ALKAL1: variants seen among roughly 807,000 people sequenced by gnomAD.
The protein encoded by ALKAL1 is AUG-beta.
A neutral mutation model predicts 13.5 loss-of-function variants in ALKAL1; 23 were observed. The observed-to-expected ratio is 1.70, with a 90% confidence interval of 1.23 to 2.41. The LOEUF is 2.41. ALKAL1 is among the 30% of genes most tolerant of loss of function. The pLI is 0.00. For missense variants in ALKAL1, 181 were observed against 178.4 expected (o/e 1.01, Z -0.08); for synonymous variants, 85 against 77.7 (o/e 1.09, Z -0.49).
intron 2 of ALKAL1, among the ~76,000 whole-genome samples, chr8:52,540,839 C>T (rs567881521): frequency 2.4e-4 from 37 of 152,250 alleles, no homozygotes; most frequent in Non-Finnish European, 3.5e-4. Flanking sequence ...ACAACTGCCT[C>T]GAAAGGCTCA....
chr8:52,558,347 C>CAAAA (rs398007812), intron 1 of ALKAL1, among the ~76,000 whole-genome samples: 3 of 18,870 alleles, frequency 1.6e-4, no homozygotes, highest in East Asian at 1.3e-3. Context: ...GACTCCATCT[C>CAAAA]AAAAAAAAAA....
At chr8:52,541,845 C>T (rs1847316260) in intron 2 of ALKAL1, among the ~76,000 whole-genome samples, 1 of 151,836 alleles carries the variant, frequency 6.6e-6, no homozygotes, top group South Asian at 2.1e-4. Context: ...ATTTATATTG[C>T]CCCCTCCCTC....
chr8:52,541,921 AC>A (rs1265186099), intron 2 of ALKAL1, among the ~76,000 whole-genome samples: 1 of 151,958 alleles, frequency 6.6e-6, no homozygotes, highest in Non-Finnish European at 1.5e-5. Context: ...ATTATCCACA[AC>A]ATGACTCCAA....
At chr8:52,548,068 G>T (rs531095107) in intron 1 of ALKAL1, among the ~76,000 whole-genome samples, 13 of 152,320 alleles carry the variant, frequency 8.5e-5, no homozygotes, top group East Asian at 7.7e-4. Flanking sequence ...GTAACTTTAC[G>T]CCGGGTGCAG....
At chr8:52,548,350 G>GA (rs982990928) in intron 1 of ALKAL1, among the ~76,000 whole-genome samples, 79 of 123,388 alleles carry the variant, frequency 6.4e-4, no homozygotes, top group Middle Eastern at 3.9e-3. Context: ...CGTCTCAAAA[G>GA]AAAAAAAAAA....
At chr8:52,547,910 TGA>T (rs1847386764) in intron 1 of ALKAL1, among the ~76,000 whole-genome samples, 1 of 152,360 alleles carries the variant, frequency 6.6e-6, no homozygotes, top group Non-Finnish European at 1.5e-5. Flanking sequence ...TAATTACTAA[TGA>T]GATACTTTAC....
intron 1 of ALKAL1, among the ~76,000 whole-genome samples, chr8:52,543,713 T>C (rs1247489822): frequency 6.6e-6 from 1 of 152,220 alleles, no homozygotes; most frequent in Non-Finnish European, 1.5e-5. Context: ...TCCCCTGTAC[T>C]TCTCAGAAAC....
Position 52,538,483 on chromosome 8 carries a change from A to T in ALKAL1, c.350T>A (p.Leu117Ter). ...PAYYKRCARL[L>*]TRLAVSPLCS... is the part of the protein sequence containing the mutation. ...CAGTGGACTCACTGCTAATCTTGTT[A>T]ACAATCTAGCACATCTTTTGTAATC... The change falls in exon 4 of 5, where the codon TTA becomes TAA. Residue 117 changes from leucine (L) to a stop codon, truncating the protein, a stop_gained. Transcript: ENST00000358543. LOFTEE classifies it high-confidence loss of function. 5 of 1,610,600 alleles carry T rather than the reference A, an allele frequency of 3.1e-6. No individual in the cohort carries two copies. Among genetic ancestry groups the T allele is most frequent in the Non-Finnish European group, 4.2e-6 (5 of 1,177,318 alleles).
At chr8:52,549,053 A>G (rs115622973) in intron 1 of ALKAL1, among the ~76,000 whole-genome samples, 10 of 152,184 alleles carry the variant, frequency 6.6e-5, no homozygotes, top group African/African-American at 1.7e-4. Flanking sequence ...ATCTTCCATA[A>G]AGATAATTTG....
At chr8:52,553,154 C>T (rs1590868848) in intron 1 of ALKAL1, among the ~76,000 whole-genome samples, 1 of 152,216 alleles carries the variant, frequency 6.6e-6, no homozygotes, top group African/African-American at 2.4e-5. Flanking sequence ...TTGAGACCAG[C>T]CTGCACAACA....
In ALKAL1 at chr8:52,534,592, A is replaced by C. The variant is rs1375197675; in HGVS notation, c.*21T>G. 11 of 602,356 alleles carry C rather than the reference A, an allele frequency of 1.8e-5. No individual in the cohort carries two copies. Among genetic ancestry groups the C allele is most frequent in the Non-Finnish European group, 3.2e-5 (11 of 339,732 alleles). 37.3% of individuals were successfully genotyped at this position (602,356 alleles called of 1,614,324 possible). The stretch of plus-strand genomic sequence containing the variant: ...TTCTTCAAATTAGATGTACATTCTT[A>C]GGAAATGTCTGTGGGGGTAAAAGAA... On this transcript the variant is annotated 3_prime_UTR_variant, in exon 5 of 5. Coordinates refer to ENST00000358543, the MANE Select transcript of ALKAL1 (RefSeq NM_207413.4).
chr8:52,546,663 A>T (rs926310000), intron 1 of ALKAL1, among the ~76,000 whole-genome samples: 2 of 152,230 alleles, frequency 1.3e-5, no homozygotes, highest in African/African-American at 4.8e-5. Flanking sequence ...ATTTTAGGTT[A>T]TTAGCAAATC....
At position 52,565,137 on chromosome 8, in the gene ALKAL1, C is replaced by G. The variant is rs1350771471; in HGVS notation, c.120G>C (p.Lys40Asn). 9 of 1,412,164 alleles carry G rather than the reference C, an allele frequency of 6.4e-6. No homozygotes were observed. The highest frequency in any genetic ancestry group is 8.4e-6 in the Non-Finnish European group (9 of 1,076,054). 87.5% of individuals were successfully genotyped at this position (1,412,164 alleles called of 1,614,324 possible). Residue 40 changes from lysine to asparagine, a missense_variant, in exon 1 of 5, where the codon AAG becomes AAC. Lys to Asn is a moderately conservative substitution (Grantham distance 94). Transcript: ENST00000358543. ...GGAGGAAAAGCAACGGCTTGGGCTC[C>G]TTATCCGTGACGCGCGCTCCCCTGC... Reference protein sequence around the residue: ...RGRRGARVTDKEPKPLLFLPA... With the variant: ...RGRRGARVTDNEPKPLLFLPA...
chr8:52,555,729 C>T (rs938581519), intron 1 of ALKAL1, among the ~76,000 whole-genome samples: 85 of 152,260 alleles, frequency 5.6e-4, no homozygotes, highest in Middle Eastern at 6.8e-3. Context: ...GCCAATCCTA[C>T]GCCCACTCAC....
chr8:52,555,453 G>A (rs1426744585), intron 1 of ALKAL1, among the ~76,000 whole-genome samples: 2 of 152,132 alleles, frequency 1.3e-5, no homozygotes, highest in Non-Finnish European at 2.9e-5. Context: ...CACAGGTTTA[G>A]GAAGGAAACG....
chr8:52,541,425 C>T (rs1847311019), intron 2 of ALKAL1, among the ~76,000 whole-genome samples: 1 of 152,186 alleles, frequency 6.6e-6, no homozygotes, highest in South Asian at 2.1e-4. Flanking sequence ...GCCATGATCT[C>T]ACCACTGAAC....
Position 52,534,579 on chromosome 8 carries a change from G to T in ALKAL1, c.*34C>A. 1 of 598,912 alleles carries T rather than the reference G, an allele frequency of 1.7e-6. No individual in the cohort carries two copies. The highest frequency in any genetic ancestry group is 3.0e-6 in the Non-Finnish European group (1 of 338,136). 37.1% of individuals were successfully genotyped at this position (598,912 alleles called of 1,614,324 possible). On this transcript the variant is annotated 3_prime_UTR_variant, in exon 5 of 5. Transcript: ENST00000358543. ...TTTGAGGCACTTTTTCTTCAAATTAGATGTACATTCTTAGGAAATGTCTGT... is the reference window on the plus strand; with the variant it reads ...TTTGAGGCACTTTTTCTTCAAATTATATGTACATTCTTAGGAAATGTCTGT...
intron 4 of ALKAL1, among the ~76,000 whole-genome samples, chr8:52,537,934 A>G (rs1847278058): frequency 1.3e-5 from 2 of 152,030 alleles, no homozygotes; most frequent in African/African-American, 4.8e-5. Context: ...TGTCTCTACT[A>G]AAAATACAAA....
At chr8:52,560,023 C>T (rs974913770) in intron 1 of ALKAL1, among the ~76,000 whole-genome samples, 1 of 151,778 alleles carries the variant, frequency 6.6e-6, no homozygotes, top group Admixed American at 6.6e-5. Context: ...TATTAAAAAC[C>T]GAGTAACCCC....
Sources: gnomAD v4.1 joint callset for allele counts (sites outside exome capture counted in the v4.1 genomes callset) on GRCh38, gnomAD v4.1.1 for gene constraint, MANE v1.5 for transcripts, NCBI Gene and HGNC (gene_info 2026-07-23, HGNC 2026-07-21) for gene names.